The following DIP2B variants were observed in gnomAD, a reference collection of about 807,000 sequenced individuals.
The protein encoded by DIP2B is disco-interacting protein 2 homolog B.
In DIP2B, 76 loss-of-function variants were observed where a neutral mutation model predicts 198.0. The observed-to-expected ratio is 0.38, with a 90% CI of 0.32 to 0.46. DIP2B has a LOEUF of 0.46. Ranked by LOEUF, DIP2B falls within the 20% of genes least tolerant of loss-of-function variation. The pLI, the probability that DIP2B is intolerant of heterozygous loss-of-function variation, is 0.99. For synonymous variants in DIP2B, 701 were observed against 739.1 expected, an observed-to-expected ratio of 0.95 and a Z score of 0.84; for missense variants, 1,559 against 1,978.4, an observed-to-expected ratio of 0.79 and a Z score of 4.02.
At chr12:50,624,976 CT>C (rs1054105525) in intron 1 of DIP2B, among the ~76,000 whole-genome samples, 1 of 152,194 alleles carries the variant, frequency 6.6e-6, no homozygotes, top group African/African-American at 2.4e-5. Flanking sequence ...GTCAGACATG[CT>C]TTTTTCCCCT....
At chr12:50,704,047 C>A in intron 19 of DIP2B, 93 bp from the exon 20 acceptor site, 1 of 1,028,450 alleles carries the variant, frequency 9.7e-7, no homozygotes, top group Non-Finnish European at 1.4e-6. Context: ...ATTATTTTTT[C>A]ACTGAGCATG....
At chr12:50,622,384 A>G (rs1378679375) in intron 1 of DIP2B, among the ~76,000 whole-genome samples, 1 of 152,236 alleles carries the variant, frequency 6.6e-6, no homozygotes, top group Admixed American at 6.5e-5. Context: ...TTAAATTTGT[A>G]TAGTGTAGTA....
chr12:50,611,312 G>C (rs1353448656), intron 1 of DIP2B, among the ~76,000 whole-genome samples: 1 of 152,208 alleles, frequency 6.6e-6, no homozygotes, highest in Middle Eastern at 3.4e-3. Context: ...ATCAGCTCTT[G>C]TACTACCGAA....
At chr12:50,648,701 C>G (rs1406474691) in intron 3 of DIP2B, among the ~76,000 whole-genome samples, 9 of 136,668 alleles carry the variant, frequency 6.6e-5, no homozygotes, top group African/African-American at 1.3e-4. Flanking sequence ...TGTTCTTCCC[C>G]CCCCCCTCCT....
intron 1 of DIP2B, among the ~76,000 whole-genome samples, chr12:50,592,698 G>A (rs750424548): frequency 2.0e-5 from 3 of 151,778 alleles, no homozygotes; most frequent in Admixed American, 2.0e-4. Context: ...GGCTGGTCTC[G>A]AACTCCTGAC....
chr12:50,633,542 G>T (rs922104148), intron 2 of DIP2B, among the ~76,000 whole-genome samples: 1 of 152,142 alleles, frequency 6.6e-6, no homozygotes, highest in Non-Finnish European at 1.5e-5. Context: ...ACTTTGGTTG[G>T]CTGAGGCAGG....
At chr12:50,679,546 A>G (rs1939002367) in intron 8 of DIP2B, 2 of 152,246 alleles carry the variant, frequency 1.3e-5, no homozygotes, top group Non-Finnish European at 2.9e-5. Flanking sequence ...AATTGTATGT[A>G]AAATAACGTA....
At chr12:50,600,355 T>C (rs1958924175) in intron 1 of DIP2B, among the ~76,000 whole-genome samples, 1 of 152,206 alleles carries the variant, frequency 6.6e-6, no homozygotes. Context: ...TAGAATAAAT[T>C]GATTCCTGTT....
chr12:50,517,829 C>CT (rs566786868), intron 1 of DIP2B, among the ~76,000 whole-genome samples: 1 of 152,158 alleles, frequency 6.6e-6, no homozygotes, highest in Admixed American at 6.5e-5. Flanking sequence ...TGTTCTTCCC[C>CT]TTTTTTTGCC....
At chr12:50,704,012 ATGGAATTAC>A (rs1446369710) in intron 19 of DIP2B, 119 bp from the exon 20 acceptor site, 9 of 672,816 alleles carry the variant, frequency 1.3e-5, no homozygotes, top group Non-Finnish European at 2.0e-5. Context: ...CTCTAAAGGG[ATGGAATTAC>A]TGGATTCACT....
At chr12:50,625,771 C>T (rs1466336362) in intron 1 of DIP2B, among the ~76,000 whole-genome samples, 1 of 152,082 alleles carries the variant, frequency 6.6e-6, no homozygotes, top group Non-Finnish European at 1.5e-5. Flanking sequence ...GGGACAAGCT[C>T]TACAGTATTC....
At chr12:50,616,774 T>C (rs1937707634) in intron 1 of DIP2B, among the ~76,000 whole-genome samples, 1 of 152,228 alleles carries the variant, frequency 6.6e-6, no homozygotes, top group African/African-American at 2.4e-5. Context: ...AGCTGCTATA[T>C]ATATTGCATT....
At chr12:50,722,253 GTTTATTTTA>G in intron 26 of DIP2B, among the ~76,000 whole-genome samples, 1 of 143,176 alleles carries the variant, frequency 7.0e-6, no homozygotes, top group Admixed American at 7.0e-5. Flanking sequence ...TTGTTTGTTT[GTTTATTTTA>G]TTTTATTTTA....
At chr12:50,738,477 C>T (rs1411439096) in intron 35 of DIP2B, among the ~76,000 whole-genome samples, 3 of 152,210 alleles carry the variant, frequency 2.0e-5, no homozygotes, top group Non-Finnish European at 4.4e-5. Context: ...GACCCCATCT[C>T]TACTTCGAAA....
chr12:50,742,984 C>G (rs1164997295), intron 37 of DIP2B, among the ~76,000 whole-genome samples: 1 of 152,174 alleles, frequency 6.6e-6, no homozygotes, highest in Admixed American at 6.5e-5. Flanking sequence ...CTTTAGACAT[C>G]TGGAAAGCAT....
intron 3 of DIP2B, among the ~76,000 whole-genome samples, chr12:50,649,680 T>A (rs1401450021): frequency 6.6e-6 from 1 of 151,170 alleles, no homozygotes; most frequent in African/African-American, 2.4e-5. Context: ...ATGGTGAAAC[T>A]CCATCTCTAC....
intron 1 of DIP2B, among the ~76,000 whole-genome samples, chr12:50,553,162 A>G (rs1228479215): frequency 6.6e-6 from 1 of 152,216 alleles, no homozygotes; most frequent in Non-Finnish European, 1.5e-5. Flanking sequence ...ATGGTGTCAG[A>G]TAAAGGTACA....
chr12:50,511,291 ATTTTTTTT>A (rs71083581), intron 1 of DIP2B, among the ~76,000 whole-genome samples: 1,041 of 64,724 alleles, frequency 0.016, 48 homozygotes, highest in African/African-American at 0.059. Flanking sequence ...TGTGATTTCT[ATTTTTTTT>A]TTTTTTTTTT....
chr12:50,625,458 A>T (rs1937914290), intron 1 of DIP2B, among the ~76,000 whole-genome samples: 1 of 152,188 alleles, frequency 6.6e-6, no homozygotes, highest in Admixed American at 6.5e-5. Flanking sequence ...AGGGGAGGGG[A>T]TGTGGGAATT....
Sources: allele counts gnomAD v4.1 joint callset (sites outside exome capture counted in the v4.1 genomes callset), GRCh38; gene constraint gnomAD v4.1.1; transcripts MANE v1.5; gene names NCBI Gene and HGNC (gene_info 2026-07-23, HGNC 2026-07-21).